ATF6B: variants seen among roughly 807,000 people sequenced by gnomAD.
ATF6B encodes the protein cyclic AMP-dependent transcription factor ATF-6 beta.
In ATF6B, 50 loss-of-function variants were observed where a neutral mutation model predicts 83.5. That is an observed-to-expected ratio of 0.60 (90% confidence interval 0.48 to 0.76). The LOEUF (loss-of-function observed/expected upper bound fraction) is 0.76, where lower values mean the gene tolerates loss of function less well. Among genes scored for constraint, ATF6B ranks in the 30% least tolerant of loss-of-function variants. The pLI is 0.00. For synonymous variants in ATF6B, 344 were observed against 362.8 expected (o/e 0.95, Z 0.59); for missense variants, 790 against 893.8 (o/e 0.88, Z 1.48).
At position 32,115,726 on chromosome 6, in the gene ATF6B, T is replaced by C. The variant is rs1562900421; in HGVS notation, c.*13A>G. 1 of 1,567,730 alleles carries C rather than the reference T, an allele frequency of 6.4e-7. No homozygotes were observed. Among genetic ancestry groups the C allele is most frequent in the Admixed American group, 1.8e-5 (1 of 56,422 alleles). On this transcript the variant is annotated 3_prime_UTR_variant, in exon 18 of 18. Transcript: ENST00000375203. ...CCCCTCCCCCCGTTCTAAGTCAGTG[T>C]GAATGGCAGAGGTCAGGGATGATTG...
chr6:32,117,188 ACCT>A lies in ATF6B; in HGVS notation c.1615-84_1615-82del. ...CAAACAGCCCCTGGAAGCTGATGCC[ACCT>A]CCCACTCAACCCTCCACTTCCTTCA... is the stretch of plus-strand genomic sequence containing the variant. On this transcript the variant is annotated intron_variant, in intron 14 of 17. Coordinates refer to ENST00000375203, the MANE Select transcript of ATF6B (RefSeq NM_004381.5). This position sits in a 1 kb window ranked among gnomAD's most constrained non-coding sequence, Gnocchi z 5.0. 1 of 1,541,396 alleles carries A rather than the reference ACCT, an allele frequency of 6.5e-7. No individual in the cohort carries two copies. The highest frequency in any genetic ancestry group is 2.3e-5 in the East Asian group (1 of 43,726).
At position 32,124,917 on chromosome 6, in the gene ATF6B, G is replaced by A. The variant is rs148775103; in HGVS notation, c.478+1200C>T. Reference sequence around the variant, plus strand: ...GGATGGAGTGCAGTGGCGTGATCTCGGCTCACTGCAAGCTCCGCCTCCCGG... The same window carrying A: ...GGATGGAGTGCAGTGGCGTGATCTCAGCTCACTGCAAGCTCCGCCTCCCGG... On this transcript the variant is annotated intron_variant, in intron 5 of 17. Transcript: ENST00000375203. Among the ~76,000 whole-genome samples, 810 of 151,494 alleles carry A rather than the reference G, an allele frequency of 5.3e-3. 27 individuals carry two copies. The South Asian group carries it at 0.078, about 15-fold the overall frequency.
chr6:32,122,068 C>A (rs993621171), intron 5 of ATF6B, among the ~76,000 whole-genome samples: 1 of 152,136 alleles, frequency 6.6e-6, no homozygotes, highest in African/African-American at 2.4e-5. Context: ...TTATCCCTGC[C>A]CAATGCATCT....
chr6:32,123,418 C>T (rs554790443), intron 5 of ATF6B, among the ~76,000 whole-genome samples: 129 of 152,178 alleles, frequency 8.5e-4, no homozygotes, highest in Non-Finnish European at 1.3e-3. Flanking sequence ...CACCAACAAT[C>T]CTTACAATCC....
chr6:32,127,194 T>C lies in ATF6B; in HGVS notation c.251A>G (p.Asp84Gly). The change falls in exon 4 of 18, where the codon GAT becomes GGT. Residue 84 changes from aspartate to glycine, a missense_variant and splice_region_variant. Coordinates refer to ENST00000375203, the MANE Select transcript of ATF6B (RefSeq NM_004381.5). ...PPWELLPIFP[D>G]LQVKSEPSSP... ...AGATGGCTCAGACTTCACCTGAAGA[T>C]CTGGAGGAAAGGGAGTTAGAAATTA... 1 of 1,607,522 alleles carries C rather than the reference T, an allele frequency of 6.2e-7. No individual in the cohort carries two copies. The highest frequency in any genetic ancestry group is 8.5e-7 in the Non-Finnish European group (1 of 1,177,258).
Position 32,115,398 on chromosome 6 carries a change from C to T in ATF6B, c.*341G>A, listed in dbSNP as rs8111. The T allele has an allele frequency of 0.29, 39,589 of 136,292 alleles. 5,748 individuals are homozygous for T. The highest frequency in any genetic ancestry group is 0.43 in the Middle Eastern group (143 of 330). The allele number at this position is 136,292 out of a possible 1,614,324, so 8.4% of individuals were successfully genotyped here. A position where few individuals can be genotyped will look rare whatever the true frequency, so the allele number is the denominator to read the frequency against. ...TCCAAAATGAAAAAACTTCCCTTGTCCCACCTGGGGACTAAATTCCCACCT... is the reference window on the plus strand; with the variant it reads ...TCCAAAATGAAAAAACTTCCCTTGTTCCACCTGGGGACTAAATTCCCACCT... On this transcript the variant is annotated 3_prime_UTR_variant, in exon 18 of 18. Transcript: ENST00000375203.
Position 32,120,753 on chromosome 6 carries a change from T to C in ATF6B, c.832+18A>G. ...GGCGTGAGCCACCATGCCCGGCCCT[T>C]TTCTCCTTCTTCAGTACCTGGGGGT... On this transcript the variant is annotated intron_variant, in intron 8 of 17. Transcript: ENST00000375203. The C allele has an allele frequency of 6.2e-7, 1 of 1,606,948 alleles. No homozygotes were observed. The highest frequency in any genetic ancestry group is 1.3e-5 in the African/African-American group (1 of 74,674).
intron 7 of ATF6B, 30 bp from the exon 8 acceptor site, chr6:32,120,932 A>T (rs1781739713): frequency 6.6e-7 from 1 of 1,524,130 alleles, no homozygotes; most frequent in Non-Finnish European, 8.8e-7. Context: ...AAGAACAAGA[A>T]ATGTCAGGAC....
chr6:32,118,672 T>C lies in ATF6B; in HGVS notation c.1244+103A>G, dbSNP rs995630439. On this transcript the variant is annotated intron_variant, in intron 11 of 17. Transcript: ENST00000375203. This position sits in a 1 kb window ranked among gnomAD's most constrained non-coding sequence, Gnocchi z 5.2. The stretch of plus-strand genomic sequence containing the variant: ...TCGGTGCCAAGGACACCAGAACCAT[T>C]TGTATATAAGCAGAAGGAAATGGCC... 1.7e-6 allele frequency: 2 copies of C among 1,159,540 alleles called. No individual in the cohort carries two copies. The highest frequency in any genetic ancestry group is 2.6e-5 in the South Asian group (2 of 77,412). The allele number at this position is 1,159,540 out of a possible 1,614,324, so 71.8% of individuals were successfully genotyped here.
At position 32,116,346 on chromosome 6, in the gene ATF6B, C is replaced by A; in HGVS notation, c.1882+134G>T. 1.2e-6 allele frequency: 1 copy of A among 831,576 alleles called. No homozygotes were observed. 51.5% of individuals were successfully genotyped at this position (831,576 alleles called of 1,614,324 possible). A position where few individuals can be genotyped will look rare whatever the true frequency, so the allele number is the denominator to read the frequency against. On this transcript the variant is annotated intron_variant, in intron 17 of 17. Coordinates refer to ENST00000375203, the MANE Select transcript of ATF6B (RefSeq NM_004381.5). The surrounding 1 kb of genome is among the most constrained non-coding windows in gnomAD (Gnocchi z 5.1). ...CTCCTGCATGGTGCTCTTCCCTCCACCTACTTCCTGCTGCTTCTCACCTGT... is the reference window on the plus strand; with the variant it reads ...CTCCTGCATGGTGCTCTTCCCTCCAACTACTTCCTGCTGCTTCTCACCTGT...
chr6:32,120,938 A>C, intron 7 of ATF6B, 36 bp from the exon 8 acceptor site: 1 of 1,522,222 alleles, frequency 6.6e-7, no homozygotes, highest in South Asian at 1.3e-5. Context: ...AAGAAATGTC[A>C]GGACCAAAGG....
rs748402065 is a variant in ATF6B, at chr6:32,116,742, G to A, written c.1759C>T (p.Arg587Ter). The A allele has an allele frequency of 3.1e-6, 5 of 1,614,106 alleles. No homozygotes were observed. The highest frequency in any genetic ancestry group is 1.1e-5 in the South Asian group (1 of 91,082). ...ACAACATAAAATGTGTCTTCCCGTC[G>A]GTCAATTGCATCCAAGAATGCTGGC... The part of the protein sequence containing the change: ...SQPAFLDAID[R>*]REDTFYVVSF... The change falls in exon 16 of 18, where the codon CGA becomes TGA. Residue 587 changes from arginine (R) to a stop codon, truncating the protein, a stop_gained. Coordinates refer to ENST00000375203, the MANE Select transcript of ATF6B (RefSeq NM_004381.5). LOFTEE classifies it high-confidence loss of function. This position sits in a 1 kb window ranked among gnomAD's most constrained non-coding sequence, Gnocchi z 5.1.
rs1319485024 is a variant in ATF6B, at chr6:32,118,506, G to C, written c.1244+269C>G. On this transcript the variant is annotated intron_variant, in intron 11 of 17. Transcript: ENST00000375203. This position sits in a 1 kb window ranked among gnomAD's most constrained non-coding sequence, Gnocchi z 5.2. ...AGCTACTTGGGAGGTTGAGGCAGGAGAATCACTTGAACCCAGGAAGCAGAG... is the reference window on the plus strand; with the variant it reads ...AGCTACTTGGGAGGTTGAGGCAGGACAATCACTTGAACCCAGGAAGCAGAG... Among the ~76,000 whole-genome samples the C allele has an allele frequency of 1.3e-5, 2 of 152,218 alleles. No homozygotes were observed. Among genetic ancestry groups the C allele is most frequent in the Non-Finnish European group, 2.9e-5 (2 of 68,036 alleles).
In ATF6B at chr6:32,117,022, C is replaced by G. The variant is rs1235437073; in HGVS notation, c.1685+15G>C. The G allele has an allele frequency of 6.2e-7, 1 of 1,612,832 alleles. No homozygotes were observed. The highest frequency in any genetic ancestry group is 8.5e-7 in the Non-Finnish European group (1 of 1,179,186). ...GAATTTCACTTAATAAGTAAGCACC[C>G]CACCCCACACTCACCTTTCTGGGGG... On this transcript the variant is annotated intron_variant, in intron 15 of 17. Coordinates refer to ENST00000375203, the MANE Select transcript of ATF6B (RefSeq NM_004381.5). This position sits in a 1 kb window ranked among gnomAD's most constrained non-coding sequence, Gnocchi z 5.0.
In ATF6B at chr6:32,117,032, C is replaced by T; in HGVS notation, c.1685+5G>A. 6.2e-7 allele frequency: 1 copy of T among 1,613,830 alleles called. No homozygotes were observed. The highest frequency in any genetic ancestry group is 1.3e-5 in the African/African-American group (1 of 75,016). Reference sequence around the variant, plus strand: ...TAATAAGTAAGCACCCCACCCCACACTCACCTTTCTGGGGGTCCAGGGGGT... The same window carrying T: ...TAATAAGTAAGCACCCCACCCCACATTCACCTTTCTGGGGGTCCAGGGGGT... On this transcript the variant is annotated splice_donor_5th_base_variant and intron_variant, in intron 15 of 17. Coordinates refer to ENST00000375203, the MANE Select transcript of ATF6B (RefSeq NM_004381.5). This position sits in a 1 kb window ranked among gnomAD's most constrained non-coding sequence, Gnocchi z 5.0.
Position 32,117,554 on chromosome 6 carries a change from G to C in ATF6B, c.1532+33C>G. On this transcript the variant is annotated intron_variant, in intron 13 of 17. Coordinates refer to ENST00000375203, the MANE Select transcript of ATF6B (RefSeq NM_004381.5). The surrounding 1 kb of genome is among the most constrained non-coding windows in gnomAD (Gnocchi z 5.0). ...ACTGCAGAAGGCCTTGGGAGGCCGG[G>C]GGAGCTGGATGCCCCAGCAATGAAT... is the stretch of plus-strand genomic sequence containing the variant. 6.2e-7 allele frequency: 1 copy of C among 1,608,248 alleles called. No individual in the cohort carries two copies. Among genetic ancestry groups the C allele is most frequent in the South Asian group, 1.1e-5 (1 of 90,554 alleles).
chr6:32,119,559 A>ACTTCCTTG lies in ATF6B; in HGVS notation c.966+257_966+264dup, dbSNP rs1190322470. Among the ~76,000 whole-genome samples the ACTTCCTTG allele has an allele frequency of 5.9e-5, 9 of 151,954 alleles. No homozygotes were observed. The highest frequency in any genetic ancestry group is 2.2e-4 in the African/African-American group (9 of 41,322). On this transcript the variant is annotated intron_variant, in intron 9 of 17. Coordinates refer to ENST00000375203, the MANE Select transcript of ATF6B (RefSeq NM_004381.5). The surrounding 1 kb of genome is among the most constrained non-coding windows in gnomAD (Gnocchi z 4.9). Reference sequence around the variant, plus strand: ...GACCGTAGTCGTATAGTACAGTACGACTTCCTTGCCTTTAATTTATGGAGA... The same window carrying ACTTCCTTG: ...GACCGTAGTCGTATAGTACAGTACGACTTCCTTGCTTCCTTGCCTTTAATTTATGGAGA...
Position 32,119,220 on chromosome 6 carries a change from T to C in ATF6B, c.967-79A>G, listed in dbSNP as rs1393005515. The stretch of plus-strand genomic sequence containing the variant: ...TATGCTCTCAAACCCCAAGGAATGA[T>C]TTACCCAAAGCTCACATGGCCATTC... On this transcript the variant is annotated intron_variant, in intron 9 of 17. Coordinates refer to ENST00000375203, the MANE Select transcript of ATF6B (RefSeq NM_004381.5). This position sits in a 1 kb window ranked among gnomAD's most constrained non-coding sequence, Gnocchi z 4.9. 6.7e-7 allele frequency: 1 copy of C among 1,492,394 alleles called. No individual in the cohort carries two copies. The highest frequency in any genetic ancestry group is 8.9e-7 in the Non-Finnish European group (1 of 1,120,384). 92.4% of individuals were successfully genotyped at this position (1,492,394 alleles called of 1,614,324 possible). A position where few individuals can be genotyped will look rare whatever the true frequency, so the allele number is the denominator to read the frequency against.
At chr6:32,123,910 C>T (rs1273272917) in intron 5 of ATF6B, among the ~76,000 whole-genome samples, 1 of 152,018 alleles carries the variant, frequency 6.6e-6, no homozygotes, top group African/African-American at 2.4e-5. Context: ...TTGAAATCAA[C>T]AATCAACATG....
Sources: allele counts gnomAD v4.1 joint callset (sites outside exome capture counted in the v4.1 genomes callset), GRCh38; gene constraint gnomAD v4.1.1; non-coding constraint Gnocchi (gnomAD v3.1); transcripts MANE v1.5; gene names NCBI Gene and HGNC (gene_info 2026-07-23, HGNC 2026-07-21).